Variants in SAE1 observed in about 807,000 individuals in gnomAD.
The protein encoded by SAE1 is SUMO-activating enzyme subunit 1.
A neutral mutation model predicts 40.6 loss-of-function variants in SAE1; 11 were observed. The ratio of observed to expected loss-of-function variants is 0.27; its 90% CI spans 0.17 to 0.45. The LOEUF is 0.45. Ranked by LOEUF, SAE1 falls within the 20% of genes least tolerant of loss-of-function variation. The pLI is 1.00. For missense variants in SAE1, 373 were observed against 427.3 expected, an observed-to-expected ratio of 0.87 and a Z score of 1.12; for synonymous variants, 155 against 154.3, an observed-to-expected ratio of 1.00 and a Z score of -0.03.
intron 1 of SAE1, 114 bp downstream of exon 1, chr19:47,131,142 C>T (rs979690754): frequency 7.0e-7 from 1 of 1,433,260 alleles, no homozygotes; most frequent in African/African-American, 1.5e-5. Context: ...GGCGGGAATT[C>T]TGTGCTCTGG....
intron 5 of SAE1, among the ~76,000 whole-genome samples, chr19:47,168,222 T>G (rs538078721): frequency 9.2e-4 from 139 of 151,674 alleles, no homozygotes; most frequent in African/African-American, 3.1e-3. Flanking sequence ...CAAAAAACTG[T>G]TTTTTTGTAT....
rs2058637505 is a variant in SAE1, at chr19:47,199,345, A to G, written c.878+1968A>G. 3.5e-5 allele frequency among the ~76,000 whole-genome samples: 5 copies of G among 144,022 alleles called. No individual in the cohort carries two copies. In the Admixed American group the frequency reaches 3.7e-4, roughly 11 times the overall value. The allele number at this position is 144,022 out of a possible 152,430, so 94.5% of individuals were successfully genotyped here. On this transcript the variant is annotated intron_variant, in intron 7 of 8. Coordinates refer to ENST00000270225, the MANE Select transcript of SAE1 (RefSeq NM_005500.3). ...GGTTGCAGTGAGCTGAGATCACGCCACTGCACTCCAGCCTGGGCGACAGAG... is the reference window on the plus strand; with the variant it reads ...GGTTGCAGTGAGCTGAGATCACGCCGCTGCACTCCAGCCTGGGCGACAGAG...
chr19:47,147,743 G>A (rs1201792366), intron 2 of SAE1, among the ~76,000 whole-genome samples: 3 of 148,950 alleles, frequency 2.0e-5, no homozygotes, highest in East Asian at 2.0e-4. Flanking sequence ...GTGAGCCACC[G>A]TGCCCAGCCT....
intron 1 of SAE1, among the ~76,000 whole-genome samples, chr19:47,138,759 G>A (rs2058198392): frequency 6.6e-6 from 1 of 152,138 alleles, no homozygotes; most frequent in South Asian, 2.1e-4. Context: ...GAGGTTGGAG[G>A]ATCACTTGAG....
At position 47,203,704 on chromosome 19, in the gene SAE1, G is replaced by A. The variant is rs529992907; in HGVS notation, c.912G>A (p.Ala304=). 14 of 1,614,044 alleles carry A rather than the reference G, an allele frequency of 8.7e-6. No individual in the cohort carries two copies. The highest frequency in any genetic ancestry group is 2.2e-5 in the South Asian group (2 of 91,062). The change falls in exon 8 of 9, where the codon GCG becomes GCA. Residue 304 remains alanine, a synonymous_variant. Transcript: ENST00000270225. ...YCFSEMAPVC[A]VVGGILAQEI... Reference sequence around the variant, plus strand: ...TCTCCGAGATGGCCCCAGTGTGTGCGGTGGTTGGAGGGATTTTGGCACAGG... The same window carrying A: ...TCTCCGAGATGGCCCCAGTGTGTGCAGTGGTTGGAGGGATTTTGGCACAGG...
Position 47,143,608 on chromosome 19 carries a change from G to A in SAE1, c.210+3G>A. ...TGACCATGCTGGATCACGAACAGGT[G>A]CGCTGTTGTGAGCTCATTCCTCCCC... is the stretch of plus-strand genomic sequence containing the variant. On this transcript the variant is annotated splice_donor_region_variant and intron_variant, in intron 2 of 8. Coordinates refer to ENST00000270225, the MANE Select transcript of SAE1 (RefSeq NM_005500.3). The A allele has an allele frequency of 6.2e-7, 1 of 1,604,106 alleles. No individual in the cohort carries two copies. Among genetic ancestry groups the A allele is most frequent in the Non-Finnish European group, 8.5e-7 (1 of 1,170,960 alleles).
At position 47,209,191 on chromosome 19, in the gene SAE1, C is replaced by T; in HGVS notation, c.981C>T (p.Asn327=). 1 of 1,613,708 alleles carries T rather than the reference C, an allele frequency of 6.2e-7. No individual in the cohort carries two copies. The highest frequency in any genetic ancestry group is 8.5e-7 in the Non-Finnish European group (1 of 1,179,734). ...ALSQRDPPHN[N]FFFFDGMKGN... is the part of the protein sequence containing the mutation. ...CTCAGCGGGACCCTCCTCACAACAA[C>T]TTCTTCTTCTTCGATGGCATGAAGG... The change falls in exon 9 of 9, where the codon AAC becomes AAT. Residue 327 remains asparagine (N), a synonymous_variant. Coordinates refer to ENST00000270225, the MANE Select transcript of SAE1 (RefSeq NM_005500.3).
intron 5 of SAE1, among the ~76,000 whole-genome samples, chr19:47,161,592 C>G (rs1049667973): frequency 2.0e-5 from 3 of 152,054 alleles, no homozygotes; most frequent in Admixed American, 6.6e-5. Context: ...GTTTATAAAT[C>G]TAAACAATGA....
At chr19:47,142,743 C>T (rs1490085721) in intron 1 of SAE1, 1 of 152,214 alleles carries the variant, frequency 6.6e-6, no homozygotes, top group Non-Finnish European at 1.5e-5. Flanking sequence ...GAATGTTCTG[C>T]TGCCAAATAT....
At chr19:47,202,814 G>A (rs1255467197) in intron 7 of SAE1, among the ~76,000 whole-genome samples, 1 of 151,872 alleles carries the variant, frequency 6.6e-6, no homozygotes, top group Non-Finnish European at 1.5e-5. Flanking sequence ...GGAGGCTGAG[G>A]CAGGAAAATG....
intron 6 of SAE1, among the ~76,000 whole-genome samples, chr19:47,175,231 CTT>C (rs2058462116): frequency 6.8e-6 from 1 of 146,616 alleles, no homozygotes; most frequent in South Asian, 2.2e-4. Flanking sequence ...AGGCACTACT[CTT>C]GTTTCCATGT....
chr19:47,181,888 C>T (rs1230817185), intron 6 of SAE1, among the ~76,000 whole-genome samples: 2 of 149,388 alleles, frequency 1.3e-5, no homozygotes, highest in South Asian at 2.1e-4. Context: ...GCTGCAGCCT[C>T]AGCCTCCTGG....
chr19:47,142,229 C>T (rs1444173691), intron 1 of SAE1, among the ~76,000 whole-genome samples: 2 of 151,788 alleles, frequency 1.3e-5, no homozygotes, highest in African/African-American at 2.4e-5. Context: ...ACCAAAAATA[C>T]AAAAACTAGC....
At chr19:47,155,749 C>CT (rs1425906351) in intron 5 of SAE1, among the ~76,000 whole-genome samples, 3,030 of 119,792 alleles carry the variant, frequency 0.025, 126 homozygotes, top group African/African-American at 0.081. Flanking sequence ...GCCCCATACC[C>CT]TTTTTTTTTT....
intron 6 of SAE1, among the ~76,000 whole-genome samples, chr19:47,189,008 T>C (rs1288513587): frequency 2.6e-5 from 4 of 152,224 alleles, no homozygotes; most frequent in Admixed American, 2.6e-4. Context: ...GATTGCCCTC[T>C]GAAATGCTGT....
At chr19:47,186,438 G>A (rs903146631) in intron 6 of SAE1, among the ~76,000 whole-genome samples, 4 of 152,116 alleles carry the variant, frequency 2.6e-5, no homozygotes, top group South Asian at 4.2e-4. Context: ...TTCATTCAGC[G>A]GGTAAGGGTC....
At chr19:47,199,934 CTT>C (rs760362409) in intron 7 of SAE1, among the ~76,000 whole-genome samples, 11 of 142,438 alleles carry the variant, frequency 7.7e-5, no homozygotes, top group Admixed American at 1.4e-4. Flanking sequence ...TAGATGATGG[CTT>C]TTTTTTTTTT....
intron 2 of SAE1, among the ~76,000 whole-genome samples, chr19:47,148,709 G>T (rs182781318): frequency 4.0e-5 from 6 of 151,406 alleles, no homozygotes; most frequent in African/African-American, 1.5e-4. Context: ...CTGCCTCCCA[G>T]GTTCAAGCGA....
At chr19:47,195,394 A>C (rs1288112960) in intron 6 of SAE1, among the ~76,000 whole-genome samples, 1 of 152,174 alleles carries the variant, frequency 6.6e-6, no homozygotes, top group Non-Finnish European at 1.5e-5. Context: ...ATTTGGGATA[A>C]AAGTTATAGC....
Sources: allele counts gnomAD v4.1 joint callset (sites outside exome capture counted in the v4.1 genomes callset), GRCh38; gene constraint gnomAD v4.1.1; transcripts MANE v1.5; gene names NCBI Gene and HGNC (gene_info 2026-07-23, HGNC 2026-07-21).